NTHL1: variants seen among roughly 807,000 people sequenced by gnomAD.
NTHL1 encodes the protein nth like DNA glycosylase 1.
Under a neutral mutation model 32.3 loss-of-function variants are expected in NTHL1, and 32 were observed. The ratio of observed to expected loss-of-function variants is 0.99; its 90% CI spans 0.75 to 1.33. NTHL1 has a LOEUF of 1.33. NTHL1 is among the 40% of genes most tolerant of loss of function. The pLI is 0.00. For synonymous variants in NTHL1, 188 were observed against 176.9 expected (o/e 1.06, Z -0.50); for missense variants, 501 against 414.1 (o/e 1.21, Z -1.82).
rs370913375 is a variant in NTHL1 at position 2,047,832 on chromosome 16, C to T, written c.-9G>A. 38 of 1,594,518 alleles carry T rather than the reference C, an allele frequency of 2.4e-5. No individual in the cohort carries two copies. Among genetic ancestry groups the T allele is most frequent in the East Asian group, 4.5e-5 (2 of 44,410 alleles). ...GCGCTCAAGGCGGTCATGCCGGACTCCTGCGGACTACACATCCCGGCGGCC... is the reference window on the plus strand; with the variant it reads ...GCGCTCAAGGCGGTCATGCCGGACTTCTGCGGACTACACATCCCGGCGGCC... On this transcript the variant is annotated 5_prime_UTR_variant, in exon 1 of 6. Transcript: ENST00000651570.
In NTHL1 at chr16:2,039,981, G is replaced by A. The variant is rs755275050; in HGVS notation, c.858C>T (p.His286=). ...GFGQQTCLPV[H]PRCHACLNQA... ...GGTTGAGGCAGGCGTGGCAGCGAGG[G>A]TGCACAGGCAGACAGGTCTGCTGGC... Residue 286 remains histidine, a synonymous_variant, in exon 6 of 6, where the codon CAC becomes CAT. Transcript: ENST00000651570. 13 of 1,609,764 alleles carry A rather than the reference G, an allele frequency of 8.1e-6. No individual in the cohort carries two copies. Among genetic ancestry groups the A allele is most frequent in the South Asian group, 6.6e-5 (6 of 91,088 alleles).
rs755408736 is a variant in NTHL1, at chr16:2,043,827, C to A, written c.526-101G>T. The stretch of plus-strand genomic sequence containing the variant: ...CCACAGGTGGCCAGAGCTACCTGCA[C>A]CTGCTGAGGACGTGTGCAAGCTCAG... On this transcript the variant is annotated intron_variant, in intron 3 of 5. Coordinates refer to ENST00000651570, the MANE Select transcript of NTHL1 (RefSeq NM_002528.7). The surrounding 1 kb of genome is among the most constrained non-coding windows in gnomAD (Gnocchi z 4.4). 7.3e-7 allele frequency: 1 copy of A among 1,377,234 alleles called. No homozygotes were observed. 85.3% of individuals were successfully genotyped at this position (1,377,234 alleles called of 1,614,324 possible).
chr16:2,040,273 A>G (rs777351285), intron 4 of NTHL1, 35 bp from the exon 5 acceptor site: 1 of 1,588,208 alleles, frequency 6.3e-7, no homozygotes, highest in Non-Finnish European at 8.6e-7. Flanking sequence ...ACAGGGGCAC[A>G]CTCCACCAGC....
At position 2,043,931 on chromosome 16, in the gene NTHL1, G is replaced by T; in HGVS notation, c.526-205C>A. On this transcript the variant is annotated intron_variant, in intron 3 of 5. Coordinates refer to ENST00000651570, the MANE Select transcript of NTHL1 (RefSeq NM_002528.7). This position sits in a 1 kb window ranked among gnomAD's most constrained non-coding sequence, Gnocchi z 4.4. ...TAGGCCTGACCCCCTCCTCCCACCC[G>T]TGTGGGCCAATGATGCACGTGTAGG... 1.6e-6 allele frequency: 1 copy of T among 607,496 alleles called. No individual in the cohort carries two copies. The highest frequency in any genetic ancestry group is 2.9e-6 in the Non-Finnish European group (1 of 339,730). The allele number at this position is 607,496 out of a possible 1,614,324, so 37.6% of individuals were successfully genotyped here.
In NTHL1 at chr16:2,044,914, G is replaced by A. The variant is rs1567370372; in HGVS notation, c.355-114C>T. On this transcript the variant is annotated intron_variant, in intron 2 of 5. Transcript: ENST00000651570. The surrounding 1 kb of genome is among the most constrained non-coding windows in gnomAD (Gnocchi z 5.0). ...GTTTGTTGCCCTGGGCCACACTTGA[G>A]GCATCAGCCTCCCCCTGTGGGGTGG... 2.4e-6 allele frequency: 3 copies of A among 1,243,702 alleles called. No homozygotes were observed. The highest frequency in any genetic ancestry group is 1.1e-6 in the Non-Finnish European group (1 of 908,952). The allele number at this position is 1,243,702 out of a possible 1,614,324, so 77.0% of individuals were successfully genotyped here. A position where few individuals can be genotyped will look rare whatever the true frequency, so the allele number is the denominator to read the frequency against.
intron 4 of NTHL1, 144 bp from the exon 5 acceptor site, chr16:2,040,382 A>C: frequency 1.3e-6 from 1 of 780,524 alleles, no homozygotes; most frequent in Non-Finnish European, 2.2e-6. Flanking sequence ...GCAAGCCTAC[A>C]TGTGACCATC....
chr16:2,043,524 A>G lies in NTHL1; in HGVS notation c.685+43T>C. ...TCACAAGGATGTGGGGAATCCCAAG[A>G]GCAGCCAGTGGGCTGGAGCCAGCCC... On this transcript the variant is annotated intron_variant, in intron 4 of 5. Coordinates refer to ENST00000651570, the MANE Select transcript of NTHL1 (RefSeq NM_002528.7). The surrounding 1 kb of genome is among the most constrained non-coding windows in gnomAD (Gnocchi z 4.4). 6.3e-7 allele frequency: 1 copy of G among 1,598,550 alleles called. No individual in the cohort carries two copies. The highest frequency in any genetic ancestry group is 8.5e-7 in the Non-Finnish European group (1 of 1,179,344).
Position 2,044,031 on chromosome 16 carries a change from G to C in NTHL1, c.526-305C>G. On this transcript the variant is annotated intron_variant, in intron 3 of 5. Coordinates refer to ENST00000651570, the MANE Select transcript of NTHL1 (RefSeq NM_002528.7). The surrounding 1 kb of genome is among the most constrained non-coding windows in gnomAD (Gnocchi z 5.0). ...GGCCAAGCAGGCCAGCCGCTCCCAG[G>C]AGTGGGGCTTGGCTGCACCTGCGCC... 1 of 463,786 alleles carries C rather than the reference G, an allele frequency of 2.2e-6. No homozygotes were observed. Among genetic ancestry groups the C allele is most frequent in the Non-Finnish European group, 4.0e-6 (1 of 250,502 alleles). 28.7% of individuals were successfully genotyped at this position (463,786 alleles called of 1,614,324 possible). A position where few individuals can be genotyped will look rare whatever the true frequency, so the allele number is the denominator to read the frequency against.
At chr16:2,040,089 C>A in intron 5 of NTHL1, 42 bp from the exon 6 acceptor site, 8 of 1,612,488 alleles carry the variant, frequency 5.0e-6, no homozygotes, top group Non-Finnish European at 6.8e-6. Context: ...AGAGGGCGGG[C>A]GGGGTGAGCT....
intron 2 of NTHL1, among the ~76,000 whole-genome samples, chr16:2,045,830 G>C (rs2084343993): frequency 6.6e-6 from 1 of 152,164 alleles, no homozygotes; most frequent in Non-Finnish European, 1.5e-5. Context: ...ACTCAGCTTG[G>C]TCTAAGGGTT....
intron 4 of NTHL1, among the ~76,000 whole-genome samples, chr16:2,042,892 C>G (rs1471983910): frequency 1.1e-5 from 1 of 88,930 alleles, no homozygotes; most frequent in Admixed American, 1.1e-4. Context: ...CCTCCTCCCC[C>G]ATTCCCCCAG....
In NTHL1 at chr16:2,044,569, C is replaced by T. The variant is rs939321761; in HGVS notation, c.525+61G>A. On this transcript the variant is annotated intron_variant, in intron 3 of 5. Transcript: ENST00000651570. This position sits in a 1 kb window ranked among gnomAD's most constrained non-coding sequence, Gnocchi z 5.0. The stretch of plus-strand genomic sequence containing the variant: ...CCTGCACCGTCGCCACCCCCCTCAG[C>T]CTTCTGAGGTCTCTCTCAGGCCACT... 6 of 1,588,976 alleles carry T rather than the reference C, an allele frequency of 3.8e-6. No homozygotes were observed. The Admixed American group carries it at 5.0e-5, about 13-fold the overall frequency.
At chr16:2,040,313 G>A (rs1350427649) in intron 4 of NTHL1, 75 bp from the exon 5 acceptor site, 9 of 1,370,620 alleles carry the variant, frequency 6.6e-6, no homozygotes, top group East Asian at 2.3e-5. Context: ...GCCCAGAGGC[G>A]AGTCTGCCAC....
At chr16:2,045,443 A>AT (rs963950305) in intron 2 of NTHL1, among the ~76,000 whole-genome samples, 86 of 148,372 alleles carry the variant, frequency 5.8e-4, no homozygotes, top group Admixed American at 2.2e-3. Flanking sequence ...TTTAAAACAA[A>AT]TTTTTTTTTT....
chr16:2,042,019 C>G (rs1271130248), intron 4 of NTHL1: 3 of 455,760 alleles, frequency 6.6e-6, no homozygotes, highest in Middle Eastern at 3.2e-4. Flanking sequence ...TTCCAAAGTG[C>G]TGGGATTACA....
chr16:2,044,106 G>C lies in NTHL1; in HGVS notation c.526-380C>G, dbSNP rs2084307742. On this transcript the variant is annotated intron_variant, in intron 3 of 5. Coordinates refer to ENST00000651570, the MANE Select transcript of NTHL1 (RefSeq NM_002528.7). The surrounding 1 kb of genome is among the most constrained non-coding windows in gnomAD (Gnocchi z 5.0). ...GGCTTCCCCACCAGCTGCCAGGCCT[G>C]CCGGGTGGTTCCCATCCTGTGCCTG... 1.3e-5 allele frequency: 5 copies of C among 373,398 alleles called. No individual in the cohort carries two copies. The highest frequency in any genetic ancestry group is 1.0e-4 in the South Asian group (4 of 39,524). The allele number at this position is 373,398 out of a possible 1,614,324, so 23.1% of individuals were successfully genotyped here.
rs2084305180 is a variant in NTHL1, at chr16:2,043,954, A to G, written c.526-228T>C. ...CCGTGTGGGCCAATGATGCACGTGT[A>G]GGCTCTGGCTGGGGTTCCCCTGCCC... is the stretch of plus-strand genomic sequence containing the variant. On this transcript the variant is annotated intron_variant, in intron 3 of 5. Coordinates refer to ENST00000651570, the MANE Select transcript of NTHL1 (RefSeq NM_002528.7). The surrounding 1 kb of genome is among the most constrained non-coding windows in gnomAD (Gnocchi z 4.4). The G allele has an allele frequency of 5.2e-6, 3 of 575,658 alleles. No homozygotes were observed. The highest frequency in any genetic ancestry group is 5.9e-5 in the Admixed American group (2 of 33,862). 35.7% of individuals were successfully genotyped at this position (575,658 alleles called of 1,614,324 possible).
At chr16:2,047,437 G>C (rs2084486308) in intron 1 of NTHL1, 1 of 555,804 alleles carries the variant, frequency 1.8e-6, no homozygotes, top group African/African-American at 2.0e-5. Flanking sequence ...GGAGTGGAGA[G>C]TCCCGGACAG....
chr16:2,044,245 T>C lies in NTHL1; in HGVS notation c.525+385A>G, dbSNP rs1392070721. On this transcript the variant is annotated intron_variant, in intron 3 of 5. Coordinates refer to ENST00000651570, the MANE Select transcript of NTHL1 (RefSeq NM_002528.7). This position sits in a 1 kb window ranked among gnomAD's most constrained non-coding sequence, Gnocchi z 5.0. ...AACAGATCCGCCCACCACCATCCAG[T>C]GCTCGGCGGGGTTGGGGAGCAGCCT... Among the ~76,000 whole-genome samples, 2 of 152,092 alleles carry C rather than the reference T, an allele frequency of 1.3e-5. No homozygotes were observed. The highest frequency in any genetic ancestry group is 3.9e-4 in the East Asian group (2 of 5,184).
Sources: gnomAD v4.1 joint callset for allele counts (sites outside exome capture counted in the v4.1 genomes callset) on GRCh38, gnomAD v4.1.1 for gene constraint, Gnocchi (gnomAD v3.1) non-coding constraint, MANE v1.5 for transcripts, NCBI Gene and HGNC (gene_info 2026-07-23, HGNC 2026-07-21) for gene names.